ADAMTSL1: variants seen among roughly 807,000 people sequenced by gnomAD.
ADAMTSL1 encodes the protein ADAMTS-like protein 1.
A neutral mutation model predicts 201.8 loss-of-function variants in ADAMTSL1; 126 were observed. The observed-to-expected ratio is 0.62, with a 90% CI of 0.54 to 0.72. The LOEUF is 0.72. Among genes scored for constraint, ADAMTSL1 ranks in the 30% least tolerant of loss-of-function variants. ADAMTSL1 has a pLI of 0.00. For synonymous variants in ADAMTSL1, 1,121 were observed against 903.4 expected (o/e 1.24, Z -4.32); for missense variants, 2,679 against 2,277.8 (o/e 1.18, Z -3.59).
At chr9:18,871,454 G>A (rs760064116) in intron 23 of ADAMTSL1, among the ~76,000 whole-genome samples, 23 of 151,560 alleles carry the variant, frequency 1.5e-4, no homozygotes, top group African/African-American at 3.4e-4. Flanking sequence ...CCAGTGTTTC[G>A]TCCTGAGGAC....
chr9:18,020,397 T>C lies in ADAMTSL1; in HGVS notation c.87+113475T>C, dbSNP rs572508925. On this transcript the variant is annotated intron_variant, in intron 1 of 29. Coordinates refer to the ADAMTSL1 transcript ENST00000680146. ...TGAGTGCTCTGCTTTCATTCTCTTT[T>C]GGCTTCCTCACTTTGAGGAAAGCCA... Among the ~76,000 whole-genome samples, 6 of 152,202 alleles carry C rather than the reference T, an allele frequency of 3.9e-5. No individual in the cohort carries two copies. In the East Asian group the frequency reaches 9.7e-4, roughly 25 times the overall value.
At chr9:18,081,566 A>T (rs1028501352) in intron 1 of ADAMTSL1, among the ~76,000 whole-genome samples, 1 of 152,164 alleles carries the variant, frequency 6.6e-6, no homozygotes, top group Non-Finnish European at 1.5e-5. Context: ...GAGCTGAATG[A>T]CACATGTTTG....
chr9:18,652,275 G>A (rs770228443), intron 7 of ADAMTSL1, among the ~76,000 whole-genome samples: 5 of 149,756 alleles, frequency 3.3e-5, no homozygotes, highest in African/African-American at 1.2e-4. Context: ...GGGAGGCTGA[G>A]GCAGGAAAAT....
intron 1 of ADAMTSL1, among the ~76,000 whole-genome samples, chr9:18,494,646 A>C (rs1822439382): frequency 6.6e-6 from 1 of 152,200 alleles, no homozygotes; most frequent in African/African-American, 2.4e-5. Context: ...ATGTTGATTT[A>C]GGGCCAGTTT....
At chr9:18,173,711 A>G (rs1035601630) in intron 2 of ADAMTSL1, among the ~76,000 whole-genome samples, 1 of 151,746 alleles carries the variant, frequency 6.6e-6, no homozygotes. Flanking sequence ...TTTTAGGCTC[A>G]GACAACCTCT....
intron 1 of ADAMTSL1, among the ~76,000 whole-genome samples, chr9:18,091,050 AGTGTGTGTGTGTATATGCAT>A (rs1318391846): frequency 4.3e-5 from 6 of 138,446 alleles, no homozygotes; most frequent in Non-Finnish European, 9.2e-5. Flanking sequence ...TTAAATAAGT[AGTGTGTGTGTGTATATGCAT>A]GTGTGTGTGT....
chr9:17,917,369 G>C (rs1476217707), intron 1 of ADAMTSL1, among the ~76,000 whole-genome samples: 1 of 151,990 alleles, frequency 6.6e-6, no homozygotes, highest in African/African-American at 2.4e-5. Context: ...TTTTGTAGAT[G>C]CTCTTTATGT....
chr9:17,930,409 A>G (rs1382626186), intron 1 of ADAMTSL1, among the ~76,000 whole-genome samples: 3 of 152,052 alleles, frequency 2.0e-5, no homozygotes, highest in Non-Finnish European at 2.9e-5. Context: ...TACTTTTTGT[A>G]TTCTTAACTA....
At position 18,865,167 on chromosome 9, in the gene ADAMTSL1, T is replaced by A. The variant is rs1827439270; in HGVS notation, c.4250-22664T>A. 3.3e-5 allele frequency among the ~76,000 whole-genome samples: 5 copies of A among 152,098 alleles called. No individual in the cohort carries two copies. In the South Asian group the frequency reaches 1.0e-3, roughly 32 times the overall value. ...AACTCGTCATTTAACATTAGGTATA[T>A]CTCCTAATGCTATCCCTCCCCGCTC... On this transcript the variant is annotated intron_variant, in intron 23 of 28. Transcript: ENST00000380548.
At chr9:17,986,011 C>G (rs1818914087) in intron 1 of ADAMTSL1, among the ~76,000 whole-genome samples, 1 of 152,094 alleles carries the variant, frequency 6.6e-6, no homozygotes, top group Non-Finnish European at 1.5e-5. Context: ...TTTTATTTAT[C>G]AGCCTGAAAT....
At chr9:17,978,994 C>T (rs1818573756) in intron 1 of ADAMTSL1, among the ~76,000 whole-genome samples, 1 of 150,004 alleles carries the variant, frequency 6.7e-6, no homozygotes, top group African/African-American at 2.5e-5. Flanking sequence ...TTTCATGTGT[C>T]ACTGCACTGT....
In ADAMTSL1 at chr9:18,402,944, T is replaced by G. The variant is rs116283942; in HGVS notation, c.208-101885T>G. On this transcript the variant is annotated intron_variant, in intron 2 of 29. Transcript: ENST00000680146. ...CTCAACGTGCATTCTCATTTGATCC[T>G]CACAGAATCTTATGAGGTTGACTTC... Among the ~76,000 whole-genome samples, 191 of 152,286 alleles carry G rather than the reference T, an allele frequency of 1.3e-3. 1 individual carries two copies. Among genetic ancestry groups the G allele is most frequent in the African/African-American group, 4.5e-3 (187 of 41,562 alleles).
At chr9:17,933,595 T>C (rs1826887617) in intron 1 of ADAMTSL1, among the ~76,000 whole-genome samples, 4 of 152,286 alleles carry the variant, frequency 2.6e-5, no homozygotes, top group African/African-American at 9.6e-5. Context: ...AGAGGTTTAG[T>C]TGGCTCACAG....
chr9:18,558,388 T>C (rs891021658), intron 3 of ADAMTSL1, among the ~76,000 whole-genome samples: 1 of 152,244 alleles, frequency 6.6e-6, no homozygotes, highest in Admixed American at 6.5e-5. Context: ...ATGTGTCACA[T>C]TTTCTTAATC....
chr9:18,287,957 T>G, intron 2 of ADAMTSL1, among the ~76,000 whole-genome samples: 1 of 152,166 alleles, frequency 6.6e-6, no homozygotes, highest in South Asian at 2.1e-4. Flanking sequence ...GTACAGAACT[T>G]TTTTACTGAC....
intron 3 of ADAMTSL1, among the ~76,000 whole-genome samples, chr9:18,535,696 A>G (rs1241896784): frequency 1.3e-5 from 2 of 152,212 alleles, no homozygotes; most frequent in Admixed American, 1.3e-4. Flanking sequence ...GATTGTAAGT[A>G]GGAAACTTAC....
intron 2 of ADAMTSL1, among the ~76,000 whole-genome samples, chr9:18,256,119 T>C (rs566977816): frequency 3.0e-4 from 45 of 152,360 alleles, no homozygotes; most frequent in African/African-American, 1.0e-3. Context: ...GACATAATGC[T>C]TCTCTGAGCA....
chr9:18,401,508 G>T (rs1479239942), intron 2 of ADAMTSL1, among the ~76,000 whole-genome samples: 1 of 152,198 alleles, frequency 6.6e-6, no homozygotes, highest in Non-Finnish European at 1.5e-5. Flanking sequence ...GGAGAGAGTA[G>T]AGGGACAGTA....
chr9:18,899,978 G>C (rs1208679079), intron 26 of ADAMTSL1, among the ~76,000 whole-genome samples: 1 of 152,110 alleles, frequency 6.6e-6, no homozygotes, highest in Non-Finnish European at 1.5e-5. Flanking sequence ...CTCATCAAAA[G>C]AAACTATCAT....
Sources: gnomAD v4.1 joint callset for allele counts (sites outside exome capture counted in the v4.1 genomes callset) on GRCh38, gnomAD v4.1.1 for gene constraint, MANE v1.5 for transcripts, NCBI Gene and HGNC (gene_info 2026-07-23, HGNC 2026-07-21) for gene names.